Variants in CELF2 observed in about 807,000 individuals in gnomAD.
CELF2 encodes the protein CUGBP Elav-like family member 2.
In CELF2, 8 loss-of-function variants were observed where a neutral mutation model predicts 62.6. The ratio of observed to expected loss-of-function variants is 0.13; its 90% confidence interval spans 0.07 to 0.23. The LOEUF is 0.23. Ranked by LOEUF, CELF2 falls within the 10% of genes least tolerant of loss-of-function variation. CELF2 has a pLI of 1.00. For synonymous variants in CELF2, 258 were observed against 250.0 expected, an observed-to-expected ratio of 1.03 and a Z score of -0.30; for missense variants, 333 against 671.0, an observed-to-expected ratio of 0.50 and a Z score of 5.56.
intron 2 of CELF2, among the ~76,000 whole-genome samples, chr10:11,171,111 G>C (rs1044429814): frequency 1.1e-4 from 17 of 152,194 alleles, no homozygotes; most frequent in African/African-American, 3.9e-4. Flanking sequence ...CTATCACTAC[G>C]TACCAAAGGA....
chr10:11,318,978 G>C lies in CELF2; in HGVS notation c.1097-2211G>C, dbSNP rs1253829354. On this transcript the variant is annotated intron_variant, in intron 10 of 12. Coordinates refer to ENST00000633077, the MANE Select transcript of CELF2 (RefSeq NM_001326342.2). This position sits in a 1 kb window ranked among gnomAD's most constrained non-coding sequence, Gnocchi z 5.4. ...CTGCCCACCCCTCCATGGGAACTTG[G>C]AGGCGTCCACTGGAGACGAGCTGCT... 1 of 471,038 alleles carries C rather than the reference G, an allele frequency of 2.1e-6. No homozygotes were observed. The highest frequency in any genetic ancestry group is 2.0e-5 in the African/African-American group (1 of 50,082). The allele number at this position is 471,038 out of a possible 1,614,324, so 29.2% of individuals were successfully genotyped here.
intron 9 of CELF2, among the ~76,000 whole-genome samples, chr10:11,313,364 C>G (rs2094693161): frequency 6.6e-6 from 1 of 152,154 alleles, no homozygotes; most frequent in South Asian, 2.1e-4. Flanking sequence ...ACTGACAGAT[C>G]AGGCAGGCCA....
chr10:10,822,128 G>A (rs1319936091), intron 1 of CELF2, among the ~76,000 whole-genome samples: 1 of 152,158 alleles, frequency 6.6e-6, no homozygotes, highest in African/African-American at 2.4e-5. Flanking sequence ...TGCTGTGGTT[G>A]CTTGTTCTAG....
chr10:10,644,392 A>AGT, the CELF2 span, among the ~76,000 whole-genome samples: 1 of 110,234 alleles, frequency 9.1e-6, no homozygotes, highest in Admixed American at 1.1e-4. Flanking sequence ...GAAACTGCAC[A>AGT]GTGTGTGTTC....
chr10:11,086,457 A>G (rs1254473158), intron 1 of CELF2, among the ~76,000 whole-genome samples: 2 of 151,900 alleles, frequency 1.3e-5, no homozygotes, highest in Non-Finnish European at 2.9e-5. Context: ...TTCCAACATC[A>G]TTATGTAAAG....
chr10:10,832,679 C>T (rs928467262), intron 1 of CELF2, among the ~76,000 whole-genome samples: 4 of 152,106 alleles, frequency 2.6e-5, no homozygotes, highest in African/African-American at 9.7e-5. Context: ...AATCCCATAC[C>T]GGATCCATTT....
the CELF2 span, among the ~76,000 whole-genome samples, chr10:10,577,846 A>C: frequency 3.3e-3 from 496 of 152,276 alleles, 1 homozygote; most frequent in African/African-American, 0.011. Flanking sequence ...TTATAGCAGC[A>C]TGATTTATAG....
At chr10:11,271,774 A>G (rs1197215996) in intron 7 of CELF2, among the ~76,000 whole-genome samples, 1 of 151,854 alleles carries the variant, frequency 6.6e-6, no homozygotes. Flanking sequence ...GTCATTTTAC[A>G]TTTTAACTAT....
rs186917346 is a variant in CELF2 at position 10,931,655 on chromosome 10, A to G, written c.89+11656A>G. ...CTTTCAACGTAATAGGTTTCTGCGT[A>G]TGGTTTACAAGTTTTTAAAATACAT... On this transcript the variant is annotated intron_variant, in intron 2 of 13. Coordinates refer to the CELF2 transcript ENST00000636488. This position sits in a 1 kb window ranked among gnomAD's most constrained non-coding sequence, Gnocchi z 6.1. 1.4e-4 allele frequency among the ~76,000 whole-genome samples: 21 copies of G among 152,328 alleles called. No individual in the cohort carries two copies. In the East Asian group the frequency reaches 3.9e-3, roughly 28 times the overall value.
At chr10:11,074,243 A>G (rs1179830900) in intron 1 of CELF2, among the ~76,000 whole-genome samples, 1 of 152,258 alleles carries the variant, frequency 6.6e-6, no homozygotes, top group African/African-American at 2.4e-5. Flanking sequence ...TGATACCAAA[A>G]GTTCAACTAT....
chr10:10,621,564 C>G, the CELF2 span, among the ~76,000 whole-genome samples: 15 of 152,156 alleles, frequency 9.9e-5, no homozygotes, highest in Non-Finnish European at 1.8e-4. Context: ...AAATTTACCC[C>G]CTTTCTGAAG....
At chr10:11,140,427 C>T (rs543615688) in intron 1 of CELF2, among the ~76,000 whole-genome samples, 1 of 151,862 alleles carries the variant, frequency 6.6e-6, no homozygotes, top group Non-Finnish European at 1.5e-5. Flanking sequence ...CATTTAAGTG[C>T]CCCATTTCAA....
At chr10:10,557,039 G>T in the CELF2 span, among the ~76,000 whole-genome samples, 4 of 148,930 alleles carry the variant, frequency 2.7e-5, no homozygotes, top group Admixed American at 1.3e-4. Flanking sequence ...TTAGTTTAAT[G>T]AGATCCCATT....
In CELF2 at chr10:11,045,438, T is replaced by G. The variant is rs528275716; in HGVS notation, c.74+27275T>G. ...TACCTTAACATGTCACTATGAGACT[T>G]TATCTTCCAATATTCAGTGTCCTTA... On this transcript the variant is annotated intron_variant, in intron 1 of 12. Coordinates refer to ENST00000633077, the MANE Select transcript of CELF2 (RefSeq NM_001326342.2). 1.9e-3 allele frequency among the ~76,000 whole-genome samples: 287 copies of G among 152,288 alleles called. 1 individual carries two copies. Among genetic ancestry groups the G allele is most frequent in the African/African-American group, 6.7e-3 (279 of 41,548 alleles).
At chr10:11,134,979 C>T (rs761449046) in intron 1 of CELF2, among the ~76,000 whole-genome samples, 3 of 152,226 alleles carry the variant, frequency 2.0e-5, no homozygotes, top group Non-Finnish European at 4.4e-5. Flanking sequence ...TGTTTAAAAT[C>T]TTAGATCTTC....
intron 4 of CELF2, among the ~76,000 whole-genome samples, chr10:11,257,188 G>A (rs2079030705): frequency 6.6e-6 from 1 of 152,008 alleles, no homozygotes; most frequent in Non-Finnish European, 1.5e-5. Context: ...TAGATCAGCA[G>A]GGATGAAGCT....
the CELF2 span, among the ~76,000 whole-genome samples, chr10:10,595,594 TG>T: frequency 6.6e-6 from 1 of 152,174 alleles, no homozygotes; most frequent in African/African-American, 2.4e-5. Context: ...CAGCAATACC[TG>T]GGGGTTACTG....
At chr10:10,772,338 CT>C in the CELF2 span, among the ~76,000 whole-genome samples, 8 of 152,136 alleles carry the variant, frequency 5.3e-5, no homozygotes, top group African/African-American at 1.9e-4. Context: ...CTAGTTTCAA[CT>C]GTAAAATGTA....
chr10:10,742,049 T>C, the CELF2 span, among the ~76,000 whole-genome samples: 4 of 152,236 alleles, frequency 2.6e-5, no homozygotes, highest in Non-Finnish European at 4.4e-5. Flanking sequence ...ACTACCATTA[T>C]TTATTTTATT....
Sources: gnomAD v4.1 joint callset for allele counts (sites outside exome capture counted in the v4.1 genomes callset) on GRCh38, gnomAD v4.1.1 for gene constraint, Gnocchi (gnomAD v3.1) non-coding constraint, MANE v1.5 for transcripts, NCBI Gene and HGNC (gene_info 2026-07-23, HGNC 2026-07-21) for gene names.